The following SRL variants were observed in gnomAD, a reference collection of about 807,000 sequenced individuals.
SRL encodes the protein sarcalumenin.
In SRL, 23 loss-of-function variants were observed where a neutral mutation model predicts 39.5. That is an observed-to-expected ratio of 0.58 (90% CI 0.42 to 0.82). The LOEUF (loss-of-function observed/expected upper bound fraction) is 0.82. SRL is among the 40% of genes least tolerant of loss of function. The pLI is 0.00. For missense variants in SRL, 592 were observed against 607.8 expected, an observed-to-expected ratio of 0.97 and a Z score of 0.27; for synonymous variants, 272 against 237.4, an observed-to-expected ratio of 1.15 and a Z score of -1.34.
intron 1 of SRL, among the ~76,000 whole-genome samples, chr16:4,240,582 A>G (rs560095497): frequency 6.6e-6 from 1 of 152,218 alleles, no homozygotes; most frequent in South Asian, 2.1e-4. Flanking sequence ...GGACCTTTGC[A>G]CAAGCACCTG....
intron 4 of SRL, among the ~76,000 whole-genome samples, chr16:4,197,359 C>T (rs1459069110): frequency 1.3e-5 from 2 of 150,804 alleles, no homozygotes; most frequent in Admixed American, 6.6e-5. Flanking sequence ...CATAAAGCCA[C>T]CATGCACAGC....
At chr16:4,195,404 C>T (rs180894426) in intron 5 of SRL, 149 bp downstream of exon 5, 8 of 758,494 alleles carry the variant, frequency 1.1e-5, no homozygotes, top group East Asian at 1.0e-4. Flanking sequence ...CACTATGTTG[C>T]TCAGGCTGGT....
At chr16:4,202,045 C>T (rs1425929353) in intron 3 of SRL, among the ~76,000 whole-genome samples, 1 of 152,192 alleles carries the variant, frequency 6.6e-6, no homozygotes, top group Non-Finnish European at 1.5e-5. Flanking sequence ...CCCACCTCTG[C>T]CTCCCAAAGT....
chr16:4,194,871 C>T (rs1567173397), intron 5 of SRL, among the ~76,000 whole-genome samples: 1 of 152,138 alleles, frequency 6.6e-6, no homozygotes, highest in Admixed American at 6.5e-5. Context: ...GCCTACCACC[C>T]ACTGTCAAAA....
rs147366867 is a variant in SRL at position 4,236,804 on chromosome 16, C to T, written c.61+5203G>A. 1.3e-3 allele frequency among the ~76,000 whole-genome samples: 203 copies of T among 152,140 alleles called. 1 individual carries two copies. Among genetic ancestry groups the T allele is most frequent in the African/African-American group, 4.7e-3 (197 of 41,522 alleles). The stretch of plus-strand genomic sequence containing the variant: ...GATTACAGGCGCATGCCACTACGCC[C>T]GGCTAATTTTTTGTATTTTTAGTAG... On this transcript the variant is annotated intron_variant, in intron 1 of 5. Coordinates refer to ENST00000399609, the MANE Select transcript of SRL (RefSeq NM_001098814.2).
At chr16:4,230,261 A>G (rs2052644475) in intron 1 of SRL, among the ~76,000 whole-genome samples, 1 of 152,166 alleles carries the variant, frequency 6.6e-6, no homozygotes, top group Non-Finnish European at 1.5e-5. Context: ...GAGCTGTGGA[A>G]CAAAGTGGAC....
In SRL at chr16:4,190,457, G is replaced by A. The variant is rs995154259; in HGVS notation, c.*1696C>T. Reference sequence around the variant, plus strand: ...GGAGCCCCTCGAGGCAGCCCGGGCTGGGTCTCCTGGGCATGCACAGACTGT... The same window carrying A: ...GGAGCCCCTCGAGGCAGCCCGGGCTAGGTCTCCTGGGCATGCACAGACTGT... On this transcript the variant is annotated 3_prime_UTR_variant, in exon 6 of 6. Coordinates refer to ENST00000399609, the MANE Select transcript of SRL (RefSeq NM_001098814.2). 2.5e-6 allele frequency: 1 copy of A among 398,716 alleles called. No homozygotes were observed. 24.7% of individuals were successfully genotyped at this position (398,716 alleles called of 1,614,324 possible).
intron 1 of SRL, among the ~76,000 whole-genome samples, chr16:4,219,335 C>G (rs957798170): frequency 1.3e-5 from 2 of 152,250 alleles, no homozygotes; most frequent in African/African-American, 4.8e-5. Context: ...TGCCCTGTCC[C>G]TGGGAGCTGG....
chr16:4,240,007 G>T (rs1464711480), intron 1 of SRL, among the ~76,000 whole-genome samples: 1 of 152,226 alleles, frequency 6.6e-6, no homozygotes, highest in East Asian at 1.9e-4. Context: ...GTTGGTAACA[G>T]AGGGGCGCTT....
chr16:4,213,681 G>C (rs2141046381), intron 1 of SRL, among the ~76,000 whole-genome samples: 1 of 152,110 alleles, frequency 6.6e-6, no homozygotes. Context: ...AAAGTGCTGG[G>C]ATTACAGGTG....
chr16:4,241,391 C>G (rs976659273), intron 1 of SRL, among the ~76,000 whole-genome samples: 1 of 152,336 alleles, frequency 6.6e-6, no homozygotes. Context: ...TGGAAGCCCC[C>G]ACCCCGAGCA....
intron 2 of SRL, among the ~76,000 whole-genome samples, chr16:4,203,982 CT>C (rs1302992049): frequency 6.6e-6 from 1 of 152,190 alleles, no homozygotes; most frequent in Non-Finnish European, 1.5e-5. Context: ...AGTTAGCTCC[CT>C]GCTGGGAGCC....
At chr16:4,200,956 A>G (rs573321967) in intron 3 of SRL, among the ~76,000 whole-genome samples, 52 of 152,336 alleles carry the variant, frequency 3.4e-4, no homozygotes, top group African/African-American at 1.1e-3. Context: ...TCAAAAAACA[A>G]TAAGATACCA....
chr16:4,207,944 C>T (rs1054171795), intron 1 of SRL: 6 of 456,648 alleles, frequency 1.3e-5, no homozygotes, highest in African/African-American at 1.2e-4. Flanking sequence ...TCTCGGCCTC[C>T]CTGCCATCTG....
At chr16:4,230,213 T>A (rs1242856157) in intron 1 of SRL, among the ~76,000 whole-genome samples, 1 of 152,058 alleles carries the variant, frequency 6.6e-6, no homozygotes, top group East Asian at 1.9e-4. Context: ...CCCGGGTGTG[T>A]CTGCAGAGCT....
chr16:4,207,527 G>A (rs1203035371), intron 1 of SRL: 1 of 456,532 alleles, frequency 2.2e-6, no homozygotes, highest in African/African-American at 2.0e-5. Context: ...CACCCTCTGA[G>A]TGAGGAGAGG....
intron 1 of SRL, among the ~76,000 whole-genome samples, chr16:4,239,097 G>A (rs1248887348): frequency 6.6e-6 from 1 of 152,202 alleles, no homozygotes; most frequent in African/African-American, 2.4e-5. Context: ...AGACCCCTGA[G>A]CTTGCTACAT....
intron 1 of SRL, among the ~76,000 whole-genome samples, chr16:4,221,034 G>A (rs1413869845): frequency 5.3e-5 from 8 of 151,066 alleles, no homozygotes; most frequent in South Asian, 2.1e-4. Flanking sequence ...CATCGCCTGG[G>A]ACCATGGGCT....
intron 1 of SRL, among the ~76,000 whole-genome samples, chr16:4,229,308 G>A (rs914029065): frequency 1.3e-5 from 2 of 152,072 alleles, no homozygotes; most frequent in African/African-American, 4.8e-5. Context: ...GCCAAGCGTG[G>A]TGGTGGGGAC....
Sources: gnomAD v4.1 joint callset for allele counts (sites outside exome capture counted in the v4.1 genomes callset) on GRCh38, gnomAD v4.1.1 for gene constraint, MANE v1.5 for transcripts, NCBI Gene and HGNC (gene_info 2026-07-23, HGNC 2026-07-21) for gene names.